The following NKAIN2 variants were observed in gnomAD, a reference collection of about 807,000 sequenced individuals.
The protein encoded by NKAIN2 is sodium/potassium-transporting ATPase subunit beta-1-interacting protein 2.
In NKAIN2, 14 loss-of-function variants were observed where a neutral mutation model predicts 32.6. The observed-to-expected ratio is 0.43, with a 90% CI of 0.28 to 0.67. The LOEUF (loss-of-function observed/expected upper bound fraction) is 0.67. Among genes scored for constraint, NKAIN2 ranks in the 30% least tolerant of loss-of-function variants. The pLI, the probability that NKAIN2 is intolerant of heterozygous loss-of-function variation, is 0.17. For missense variants in NKAIN2, 198 were observed against 258.3 expected (o/e 0.77, Z 1.60); for synonymous variants, 80 against 87.2 (o/e 0.92, Z 0.46).
intron 3 of NKAIN2, among the ~76,000 whole-genome samples, chr6:124,561,089 T>C (rs5879746): frequency 0.24 from 36,441 of 151,330 alleles, 5,126 homozygotes; most frequent in Admixed American, 0.35. Flanking sequence ...GTCACTGTCT[T>C]GTTTCAGGGC....
At chr6:123,853,715 T>G (rs6913959) in intron 1 of NKAIN2, among the ~76,000 whole-genome samples, 6,429 of 152,030 alleles carry the variant, frequency 0.042, 409 homozygotes, top group African/African-American at 0.14. Flanking sequence ...AATTCATTTA[T>G]GTGATTTCTA....
intron 3 of NKAIN2, among the ~76,000 whole-genome samples, chr6:124,377,590 G>C (rs1583154623): frequency 6.6e-6 from 1 of 152,098 alleles, no homozygotes; most frequent in South Asian, 2.1e-4. Context: ...CTGATAAAAA[G>C]CTGAGAACTT....
At chr6:124,729,828 A>C (rs1217028225) in intron 4 of NKAIN2, among the ~76,000 whole-genome samples, 1 of 151,964 alleles carries the variant, frequency 6.6e-6, no homozygotes, top group Non-Finnish European at 1.5e-5. Context: ...TCAGCCTAAA[A>C]TCTCCTTAAG....
At chr6:123,977,945 T>A (rs1443612228) in intron 1 of NKAIN2, among the ~76,000 whole-genome samples, 1 of 152,084 alleles carries the variant, frequency 6.6e-6, no homozygotes, top group Non-Finnish European at 1.5e-5. Context: ...AGCTCATGTC[T>A]TATTGAGGAG....
intron 4 of NKAIN2, among the ~76,000 whole-genome samples, chr6:124,695,136 G>A (rs1194236390): frequency 1.3e-5 from 2 of 148,776 alleles, no homozygotes; most frequent in Non-Finnish European, 3.0e-5. Flanking sequence ...TCTTTAACTA[G>A]GTAAACAGGA....
intron 2 of NKAIN2, among the ~76,000 whole-genome samples, chr6:124,340,521 C>T (rs892946462): frequency 6.6e-6 from 1 of 151,988 alleles, no homozygotes; most frequent in African/African-American, 2.4e-5. Context: ...TGCTCCTCTC[C>T]CTCCTCCCAT....
chr6:124,148,647 T>G (rs1372443909), intron 1 of NKAIN2, among the ~76,000 whole-genome samples: 1 of 152,188 alleles, frequency 6.6e-6, no homozygotes, highest in East Asian at 1.9e-4. Flanking sequence ...CATGCCTCAT[T>G]ACTTTATTTC....
chr6:124,247,292 G>A (rs998359342), intron 1 of NKAIN2, among the ~76,000 whole-genome samples: 4 of 152,120 alleles, frequency 2.6e-5, no homozygotes, highest in African/African-American at 9.7e-5. Context: ...CTCTCTGTGT[G>A]TGAGTATATG....
chr6:124,558,814 T>A (rs1237378802), intron 3 of NKAIN2, among the ~76,000 whole-genome samples: 1 of 152,076 alleles, frequency 6.6e-6, no homozygotes, highest in Non-Finnish European at 1.5e-5. Context: ...CCGGGCATGG[T>A]GGTGTGTGCC....
chr6:124,181,019 G>T (rs1015799633), intron 1 of NKAIN2, among the ~76,000 whole-genome samples: 2 of 152,158 alleles, frequency 1.3e-5, no homozygotes, highest in South Asian at 4.1e-4. Context: ...AGGTTCTGCC[G>T]CTGCAGCACA....
At chr6:124,597,090 G>C (rs1782122688) in intron 3 of NKAIN2, among the ~76,000 whole-genome samples, 2 of 152,126 alleles carry the variant, frequency 1.3e-5, no homozygotes, top group South Asian at 4.1e-4. Context: ...ACTTTATTCA[G>C]TCTTCTGACT....
At position 123,874,742 on chromosome 6, in the gene NKAIN2, G is replaced by A. The variant is rs186675351; in HGVS notation, c.54+70488G>A. Among the ~76,000 whole-genome samples the A allele has an allele frequency of 2.5e-3, 387 of 151,848 alleles. 1 individual carries two copies. The highest frequency in any genetic ancestry group is 8.9e-3 in the African/African-American group (367 of 41,378). ...ATAAAATATTTTTATCACTTCTTCT[G>A]ATTATAAAAATATGTCTATTGTAGA... On this transcript the variant is annotated intron_variant, in intron 1 of 6. Coordinates refer to ENST00000368417, the MANE Select transcript of NKAIN2 (RefSeq NM_001040214.3).
chr6:124,496,558 G>A (rs1778071223), intron 3 of NKAIN2, among the ~76,000 whole-genome samples: 1 of 152,092 alleles, frequency 6.6e-6, no homozygotes, highest in Non-Finnish European at 1.5e-5. Flanking sequence ...AACATGTGAT[G>A]AGTTCTAGCC....
chr6:124,721,375 G>A (rs1441676866), intron 4 of NKAIN2, among the ~76,000 whole-genome samples: 3 of 145,440 alleles, frequency 2.1e-5, no homozygotes, highest in Admixed American at 7.0e-5. Flanking sequence ...CAGCACTCCC[G>A]CCTGGGCGAC....
At chr6:124,523,129 C>T (rs1189969271) in intron 3 of NKAIN2, among the ~76,000 whole-genome samples, 2 of 20,964 alleles carry the variant, frequency 9.5e-5, no homozygotes, top group African/African-American at 1.1e-4. Flanking sequence ...GGCGACAGAG[C>T]GAGACTCCGT....
chr6:124,692,991 T>C (rs1208000271), intron 4 of NKAIN2, among the ~76,000 whole-genome samples: 1 of 152,208 alleles, frequency 6.6e-6, no homozygotes, highest in African/African-American at 2.4e-5. Context: ...ACATTATGCA[T>C]CACAATGCAG....
At chr6:124,108,212 C>A (rs1259186428) in intron 1 of NKAIN2, among the ~76,000 whole-genome samples, 1 of 152,018 alleles carries the variant, frequency 6.6e-6, no homozygotes, top group Non-Finnish European at 1.5e-5. Flanking sequence ...TAATAGACAT[C>A]CTAATAGGTA....
At chr6:124,808,633 G>C (rs1159782067) in intron 5 of NKAIN2, among the ~76,000 whole-genome samples, 1 of 152,142 alleles carries the variant, frequency 6.6e-6, no homozygotes, top group Non-Finnish European at 1.5e-5. Flanking sequence ...GTTATGGCCA[G>C]GGCAATTAGA....
intron 1 of NKAIN2, among the ~76,000 whole-genome samples, chr6:123,884,596 A>G (rs1044170318): frequency 6.6e-6 from 1 of 152,154 alleles, no homozygotes; most frequent in Non-Finnish European, 1.5e-5. Flanking sequence ...AAATTTAGCA[A>G]TGATAAGGTA....
Sources: allele counts gnomAD v4.1 joint callset (sites outside exome capture counted in the v4.1 genomes callset), GRCh38; gene constraint gnomAD v4.1.1; transcripts MANE v1.5; gene names NCBI Gene and HGNC (gene_info 2026-07-23, HGNC 2026-07-21).